DENND1A: variants seen among roughly 807,000 people sequenced by gnomAD.
DENND1A encodes DENN domain-containing protein 1A.
A neutral mutation model predicts 113.7 loss-of-function variants in DENND1A; 51 were observed. The observed-to-expected ratio is 0.45, with a 90% CI of 0.36 to 0.57. The LOEUF is 0.57. DENND1A is among the 20% of genes least tolerant of loss of function. The probability of loss-of-function intolerance (pLI) is 0.00; values close to 1 mark genes in which losing one functional copy is unlikely to be tolerated. For missense variants in DENND1A, 1,258 were observed against 1,395.9 expected, an observed-to-expected ratio of 0.90 and a Z score of 1.57; for synonymous variants, 565 against 570.8, an observed-to-expected ratio of 0.99 and a Z score of 0.14.
intron 19 of DENND1A, among the ~76,000 whole-genome samples, chr9:123,430,494 A>G (rs1193858024): frequency 6.6e-6 from 1 of 152,244 alleles, no homozygotes; most frequent in Non-Finnish European, 1.5e-5. Flanking sequence ...ATGCAGCCAT[A>G]AAAAGAAATG....
chr9:123,715,611 A>G (rs2066920506), intron 5 of DENND1A, among the ~76,000 whole-genome samples: 1 of 152,236 alleles, frequency 6.6e-6, no homozygotes, highest in South Asian at 2.1e-4. Context: ...CTCAGACTCC[A>G]GGATCATCAA....
At chr9:123,677,927 T>C (rs1253964076) in intron 5 of DENND1A, among the ~76,000 whole-genome samples, 1 of 152,106 alleles carries the variant, frequency 6.6e-6, no homozygotes, top group Non-Finnish European at 1.5e-5. Flanking sequence ...CTCACTCCTC[T>C]CACTCCGGAA....
chr9:123,583,559 C>T (rs1361798067), intron 11 of DENND1A, among the ~76,000 whole-genome samples: 2 of 152,166 alleles, frequency 1.3e-5, no homozygotes, highest in African/African-American at 4.8e-5. Flanking sequence ...AATCATTACA[C>T]CCCATCATCA....
intron 11 of DENND1A, among the ~76,000 whole-genome samples, chr9:123,601,997 GC>G (rs1301598484): frequency 1.3e-5 from 2 of 152,202 alleles, no homozygotes; most frequent in Non-Finnish European, 2.9e-5. Flanking sequence ...GATGGCACAG[GC>G]ATAATCCACA....
At chr9:123,387,626 T>G in intron 22 of DENND1A, 104 bp downstream of exon 22, 11 of 1,189,322 alleles carry the variant, frequency 9.2e-6, no homozygotes, top group East Asian at 5.9e-5. Flanking sequence ...CCAGACACCC[T>G]CCCCCCGACA....
chr9:123,771,626 C>G (rs984747911), intron 3 of DENND1A, among the ~76,000 whole-genome samples: 2 of 152,234 alleles, frequency 1.3e-5, no homozygotes, highest in Non-Finnish European at 2.9e-5. Flanking sequence ...CCCTTGGCTA[C>G]GAGAAGGCAT....
intron 1 of DENND1A, among the ~76,000 whole-genome samples, chr9:123,925,865 G>A (rs1221156216): frequency 1.3e-5 from 2 of 152,148 alleles, no homozygotes; most frequent in Non-Finnish European, 1.5e-5. Flanking sequence ...CTTAGAGTAT[G>A]CTTTTCTCTG....
intron 3 of DENND1A, among the ~76,000 whole-genome samples, chr9:123,769,820 G>A (rs1749722508): frequency 6.6e-6 from 1 of 152,176 alleles, no homozygotes; most frequent in Non-Finnish European, 1.5e-5. Flanking sequence ...GGAAAGCTCT[G>A]AAGGGAGGGA....
intron 4 of DENND1A, chr9:123,759,789 C>T (rs2070885753): frequency 6.6e-6 from 1 of 152,152 alleles, no homozygotes; most frequent in Non-Finnish European, 1.5e-5. Flanking sequence ...CAGAGAAGAA[C>T]CTGAAGAGTG....
chr9:123,854,516 TA>T (rs1370724778), intron 2 of DENND1A, among the ~76,000 whole-genome samples: 1 of 151,700 alleles, frequency 6.6e-6, no homozygotes, highest in Non-Finnish European at 1.5e-5. Flanking sequence ...GCCAACATAG[TA>T]AAACCTAGCT....
At chr9:123,928,892 A>C (rs777570453) in intron 1 of DENND1A, 2 of 985,506 alleles carry the variant, frequency 2.0e-6, no homozygotes, top group Non-Finnish European at 2.4e-6. Context: ...GTTGTTTTAC[A>C]GAAAAGCCTA....
chr9:123,452,104 G>A (rs1192824848), intron 17 of DENND1A, among the ~76,000 whole-genome samples, 172 bp downstream of exon 17: 1 of 152,122 alleles, frequency 6.6e-6, no homozygotes, highest in Non-Finnish European at 1.5e-5. Context: ...TGAGGTGGGA[G>A]GATTGCTTGA....
chr9:123,399,156 C>T (rs886418571), intron 21 of DENND1A, among the ~76,000 whole-genome samples: 6 of 152,036 alleles, frequency 3.9e-5, no homozygotes, highest in East Asian at 1.9e-4. Context: ...CCGTAGCCGT[C>T]GTCCCCACCA....
chr9:123,623,289 T>G (rs764106565), intron 10 of DENND1A, among the ~76,000 whole-genome samples: 2 of 152,250 alleles, frequency 1.3e-5, no homozygotes, highest in Non-Finnish European at 2.9e-5. Context: ...GTCCCATGTT[T>G]ATAATAATGG....
At chr9:123,829,875 C>A (rs562456557) in intron 2 of DENND1A, among the ~76,000 whole-genome samples, 1 of 152,170 alleles carries the variant, frequency 6.6e-6, no homozygotes, top group East Asian at 1.9e-4. Flanking sequence ...GCCAGTAAAA[C>A]CTTGATACTA....
In DENND1A at chr9:123,620,232, A is replaced by AAAAAAAAAAAAAAAAAAAAAAAAAAAG. The variant is rs1554916729; in HGVS notation, c.719+10143_719+10144insCTTTTTTTTTTTTTTTTTTTTTTTTTT. ...CCATCTCAAAAAAAAAAAAAAAAAA[A>AAAAAAAAAAAAAAAAAAAAAAAAAAAG]AAAAAAGAAAAGAAAAAGAAAAAAA... On this transcript the variant is annotated intron_variant, in intron 10 of 23. Coordinates refer to ENST00000394215, the MANE Select transcript of DENND1A (RefSeq NM_001352964.2). Among the ~76,000 whole-genome samples the AAAAAAAAAAAAAAAAAAAAAAAAAAAG allele has an allele frequency of 4.4e-4, 50 of 114,314 alleles. 1 individual carries two copies. Among genetic ancestry groups the AAAAAAAAAAAAAAAAAAAAAAAAAAAG allele is most frequent in the African/African-American group, 6.7e-4 (18 of 26,824 alleles). The allele number at this position is 114,314 out of a possible 152,430, so 75.0% of individuals were successfully genotyped here. A position where few individuals can be genotyped will look rare whatever the true frequency, so the allele number is the denominator to read the frequency against.
chr9:123,450,859 G>C, intron 17 of DENND1A, 110 bp from the exon 18 acceptor site: 1 of 796,470 alleles, frequency 1.3e-6, no homozygotes, highest in Non-Finnish European at 1.9e-6. Flanking sequence ...AAAAAGGAAG[G>C]AAAAATGGGA....
chr9:123,437,717 G>C (rs534581212), intron 19 of DENND1A: 3 of 152,110 alleles, frequency 2.0e-5, no homozygotes, highest in Non-Finnish European at 2.9e-5. Context: ...CTGGTGAAGT[G>C]GCCCTGGGCA....
intron 2 of DENND1A, among the ~76,000 whole-genome samples, chr9:123,802,481 C>T (rs1019567605): frequency 5.3e-5 from 8 of 152,234 alleles, no homozygotes; most frequent in Non-Finnish European, 8.8e-5. Flanking sequence ...ACTGCATTGC[C>T]ACTCACTCTA....
Sources: gnomAD v4.1 joint callset for allele counts (sites outside exome capture counted in the v4.1 genomes callset) on GRCh38, gnomAD v4.1.1 for gene constraint, MANE v1.5 for transcripts, NCBI Gene and HGNC (gene_info 2026-07-23, HGNC 2026-07-21) for gene names.